Variants in UGT1A9 observed in about 807,000 individuals in gnomAD.
The protein encoded by UGT1A9 is UDP-glucuronosyltransferase 1A9.
A neutral mutation model predicts 45.0 loss-of-function variants in UGT1A9; 35 were observed. The ratio of observed to expected loss-of-function variants is 0.78; its 90% CI spans 0.59 to 1.03. The LOEUF (loss-of-function observed/expected upper bound fraction) is 1.03. Ranked by LOEUF, UGT1A9 falls within the 50% of genes least tolerant of loss-of-function variation. UGT1A9 has a pLI of 0.00. For synonymous variants in UGT1A9, 278 were observed against 250.6 expected (o/e 1.11, Z -1.03); for missense variants, 687 against 666.6 (o/e 1.03, Z -0.34).
At chr2:233,767,602 A>G (rs1699426979) in intron 2 of UGT1A9, among the ~76,000 whole-genome samples, 1 of 152,192 alleles carries the variant, frequency 6.6e-6, no homozygotes, top group Non-Finnish European at 1.5e-5. Flanking sequence ...AGGAAAGTGA[A>G]AAAATCCTAA....
At chr2:233,715,490 T>TG (rs1472683316) in intron 1 of UGT1A9, among the ~76,000 whole-genome samples, 1 of 152,172 alleles carries the variant, frequency 6.6e-6, no homozygotes, top group African/African-American at 2.4e-5. Flanking sequence ...AAATGATTTG[T>TG]GTGCAAGTGG....
intron 1 of UGT1A9, among the ~76,000 whole-genome samples, chr2:233,757,560 A>ATATATATATATATATACATATATATATG (rs904896556): frequency 8.1e-6 from 1 of 123,146 alleles, no homozygotes; most frequent in African/African-American, 3.4e-5. Context: ...ATATATATAT[A>ATATATATATATATATACATATATATATG]TGTATATATG....
At chr2:233,750,156 T>C (rs953586925) in intron 1 of UGT1A9, among the ~76,000 whole-genome samples, 2 of 151,902 alleles carry the variant, frequency 1.3e-5, no homozygotes, top group Non-Finnish European at 2.9e-5. Flanking sequence ...ACTTGTTGAA[T>C]GGTTTTGACC....
intron 1 of UGT1A9, among the ~76,000 whole-genome samples, chr2:233,724,482 A>T (rs1472429927): frequency 6.4e-4 from 41 of 64,386 alleles, no homozygotes; most frequent in South Asian, 1.8e-3. Flanking sequence ...CACTTCTCAG[A>T]CGGGGCGGCC....
chr2:233,688,451 A>T (rs568625749), intron 1 of UGT1A9, among the ~76,000 whole-genome samples: 2 of 152,324 alleles, frequency 1.3e-5, no homozygotes, highest in East Asian at 3.9e-4. Flanking sequence ...CCCTGTGTTG[A>T]CAGGAAACTT....
intron 1 of UGT1A9, chr2:233,760,273 A>G (rs113386420): frequency 2.5e-6 from 4 of 1,612,532 alleles, no homozygotes; most frequent in Admixed American, 1.7e-5. Flanking sequence ...AACCTCTGGC[A>G]GGAGCAAAGG....
chr2:233,771,017 G>A (rs964132313), intron 4 of UGT1A9: 3 of 152,186 alleles, frequency 2.0e-5, no homozygotes, highest in African/African-American at 7.2e-5. Flanking sequence ...GCAGGAGCGA[G>A]AGAGAGTTGG....
intron 1 of UGT1A9, chr2:233,760,833 G>A (rs777115864): frequency 5.0e-6 from 8 of 1,613,598 alleles, no homozygotes; most frequent in Admixed American, 1.7e-5. Flanking sequence ...TGGAATTTGA[G>A]GCTACCCAGT....
At chr2:233,712,374 T>A (rs1160539437) in intron 1 of UGT1A9, among the ~76,000 whole-genome samples, 2 of 152,226 alleles carry the variant, frequency 1.3e-5, no homozygotes, top group Admixed American at 6.5e-5. Context: ...CAGCTTTTTT[T>A]ATATTGACAG....
intron 1 of UGT1A9, among the ~76,000 whole-genome samples, chr2:233,704,622 G>T (rs1418353770): frequency 6.6e-6 from 1 of 152,090 alleles, no homozygotes; most frequent in Non-Finnish European, 1.5e-5. Context: ...TATAGAGTTT[G>T]TTATATTAAC....
Position 233,672,739 on chromosome 2 carries a change from A to T in UGT1A9, c.805A>T (p.Met269Leu), listed in dbSNP as rs138512716. The T allele has an allele frequency of 3.7e-6, 6 of 1,613,956 alleles. No individual in the cohort carries two copies. In the African/African-American group the frequency reaches 8.0e-5, roughly 22 times the overall value. ...LDYPKPVMPN[M>L]IFIGGINCHQ... ...CTATCCCAAACCCGTGATGCCCAAC[A>T]TGATCTTCATTGGTGGTATCAACTG... Residue 269 changes from methionine to leucine, a missense_variant, in exon 1 of 5, where the codon ATG becomes TTG. Coordinates refer to ENST00000354728, the MANE Select transcript of UGT1A9 (RefSeq NM_021027.3).
intron 1 of UGT1A9, among the ~76,000 whole-genome samples, chr2:233,710,303 A>G (rs2076125007): frequency 6.6e-6 from 1 of 152,210 alleles, no homozygotes; most frequent in Non-Finnish European, 1.5e-5. Context: ...GTTGGGTTGC[A>G]TGGTAGGTGT....
intron 1 of UGT1A9, chr2:233,690,872 G>T (rs2075019519): frequency 3.8e-6 from 4 of 1,063,276 alleles, no homozygotes; most frequent in Non-Finnish European, 4.6e-6. Context: ...TTGCAAGAAG[G>T]TGTTAGGAAT....
At position 233,767,866 on chromosome 2, in the gene UGT1A9, T is replaced by G. The variant is rs772563329; in HGVS notation, c.1005T>G (p.Thr335=). Reference sequence around the variant, plus strand: ...CCTCCCAGGTCCTGTGGCGGTACACTGGAACCCGACCATCGAATCTTGCGA... The same window carrying G: ...CCTCCCAGGTCCTGTGGCGGTACACGGGAACCCGACCATCGAATCTTGCGA... ...KIPQTVLWRY[T]GTRPSNLANN... The change falls in exon 3 of 5, where the codon ACT becomes ACG. Residue 335 remains threonine (T), a synonymous_variant. Coordinates refer to ENST00000354728, the MANE Select transcript of UGT1A9 (RefSeq NM_021027.3). The G allele has an allele frequency of 3.1e-6, 5 of 1,614,214 alleles. No individual in the cohort carries two copies. The highest frequency in any genetic ancestry group is 4.2e-6 in the Non-Finnish European group (5 of 1,180,038).
At chr2:233,682,114 G>A (rs762584312) in intron 1 of UGT1A9, 11 of 1,614,238 alleles carry the variant, frequency 6.8e-6, no homozygotes, top group Non-Finnish European at 9.3e-6. Flanking sequence ...TCGTAGTCAT[G>A]CCAGAGGTGA....
chr2:233,756,052 G>C (rs1468615948), intron 1 of UGT1A9: 2 of 152,164 alleles, frequency 1.3e-5, no homozygotes, highest in Non-Finnish European at 2.9e-5. Flanking sequence ...AAACTCCACT[G>C]TACACTTGTG....
chr2:233,715,603 C>G (rs1207220731), intron 1 of UGT1A9, among the ~76,000 whole-genome samples: 3 of 151,896 alleles, frequency 2.0e-5, no homozygotes, highest in Non-Finnish European at 4.4e-5. Context: ...GAGACTCCAT[C>G]TCTACAAAAA....
Position 233,671,948 on chromosome 2 carries a change from G to A in UGT1A9, c.14G>A (p.Gly5Glu), listed in dbSNP as rs757109051. 4.3e-6 allele frequency: 7 copies of A among 1,612,378 alleles called. No individual in the cohort carries two copies. In the African/African-American group the frequency reaches 8.0e-5, roughly 18 times the overall value. The change falls in exon 1 of 5, where the codon GGG becomes GAG. Residue 5 changes from glycine (G) to glutamate (E), a missense_variant. Physicochemically the swap from Gly to Glu is moderately conservative, Grantham distance 98 (BLOSUM62 -2). Transcript: ENST00000354728. Reference sequence around the variant, plus strand: ...TGCAGTTCTCTGATGGCTTGCACAGGGTGGACCAGCCCCCTTCCTCTATGT... The same window carrying A: ...TGCAGTTCTCTGATGGCTTGCACAGAGTGGACCAGCCCCCTTCCTCTATGT... Reference protein sequence around the residue: MACTGWTSPLPLCVC... With the variant: MACTEWTSPLPLCVC...
At chr2:233,741,532 A>C (rs1691693869) in intron 1 of UGT1A9, 1 of 151,938 alleles carries the variant, frequency 6.6e-6, no homozygotes, top group Non-Finnish European at 1.5e-5. Flanking sequence ...AGTCTGTCTT[A>C]TTCTGATACT....
Sources: allele counts gnomAD v4.1 joint callset (sites outside exome capture counted in the v4.1 genomes callset), GRCh38; gene constraint gnomAD v4.1.1; transcripts MANE v1.5; gene names NCBI Gene and HGNC (gene_info 2026-07-23, HGNC 2026-07-21).